Variants in RBM12 observed in about 807,000 individuals in gnomAD.
RBM12 encodes the protein RNA binding motif protein 12.
Under a neutral mutation model 37.2 loss-of-function variants are expected in RBM12, and 24 were observed. The observed-to-expected ratio is 0.65, with a 90% CI of 0.47 to 0.91. The LOEUF is 0.91. Among genes scored for constraint, RBM12 ranks in the 40% least tolerant of loss-of-function variants. The probability of loss-of-function intolerance (pLI) is 0.00; values close to 1 mark genes in which losing one functional copy is unlikely to be tolerated. For missense variants in RBM12, 1,061 were observed against 1,183.2 expected (o/e 0.90, Z 1.52); for synonymous variants, 420 against 425.2 (o/e 0.99, Z 0.15).
chr20:35,652,473 C>T lies in RBM12; in HGVS notation c.*51G>A. 1.3e-6 allele frequency: 2 copies of T among 1,536,582 alleles called. No homozygotes were observed. Among genetic ancestry groups the T allele is most frequent in the South Asian group, 2.5e-5 (2 of 80,204 alleles). On this transcript the variant is annotated 3_prime_UTR_variant, in exon 3 of 3. Coordinates refer to ENST00000374114, the MANE Select transcript of RBM12 (RefSeq NM_006047.6). ...AAATACTAGGAAAACAATCTGGATG[C>T]ATTAATCACAGCAATATGAAGATCT... is the stretch of plus-strand genomic sequence containing the variant.
Position 35,651,397 on chromosome 20 carries a change from G to A in RBM12, c.*1127C>T, listed in dbSNP as rs550057938. On this transcript the variant is annotated 3_prime_UTR_variant, in exon 3 of 3. Coordinates refer to ENST00000374114, the MANE Select transcript of RBM12 (RefSeq NM_006047.6). Reference sequence around the variant, plus strand: ...CTGTATGAAGACTTTTAGTAAACAGGCTCCTGATCGAACAACTATGCCAAA... The same window carrying A: ...CTGTATGAAGACTTTTAGTAAACAGACTCCTGATCGAACAACTATGCCAAA... 8.5e-5 allele frequency: 13 copies of A among 152,280 alleles called. No individual in the cohort carries two copies. In the South Asian group the frequency reaches 2.1e-3, roughly 24 times the overall value. 9.4% of individuals were successfully genotyped at this position (152,280 alleles called of 1,614,324 possible). A position where few individuals can be genotyped will look rare whatever the true frequency, so the allele number is the denominator to read the frequency against.
Position 35,655,062 on chromosome 20 carries a change from A to T in RBM12, c.261T>A (p.Arg87=). Residue 87 remains arginine, a synonymous_variant, in exon 3 of 3, where the codon CGT becomes CGA. Transcript: ENST00000374114. ...CTAAGTTGGCAGTTTCAAAACGCCT[A>T]CGACTCAGTTCAATCATATTCTGCA... ...TEMQNMIELS[R]RRFETANLDI... The T allele has an allele frequency of 1.2e-6, 2 of 1,614,162 alleles. No individual in the cohort carries two copies. The highest frequency in any genetic ancestry group is 1.3e-5 in the African/African-American group (1 of 75,022).
rs945412601 is a variant in RBM12 at position 35,649,201 on chromosome 20, C to T, written c.*3323G>A. 1.3e-5 allele frequency: 2 copies of T among 152,158 alleles called. No individual in the cohort carries two copies. 9.4% of individuals were successfully genotyped at this position (152,158 alleles called of 1,614,324 possible). ...AAGTGACCACTTCCAGAAATTCTTT[C>T]CAAAAGATTTGACTAGCAGCAATTT... On this transcript the variant is annotated 3_prime_UTR_variant, in exon 3 of 3. Transcript: ENST00000374114.
In RBM12 at chr20:35,651,496, C is replaced by T. The variant is rs2033515820; in HGVS notation, c.*1028G>A. On this transcript the variant is annotated 3_prime_UTR_variant, in exon 3 of 3. Transcript: ENST00000374114. ...ACGGATCTTTTATTCTATACTACTA[C>T]TGCTAACAAAGATAATTTCAACTTC... is the stretch of plus-strand genomic sequence containing the variant. The T allele has an allele frequency of 6.6e-6, 1 of 152,218 alleles. No individual in the cohort carries two copies. The highest frequency in any genetic ancestry group is 1.5e-5 in the Non-Finnish European group (1 of 68,042). 9.4% of individuals were successfully genotyped at this position (152,218 alleles called of 1,614,324 possible). A position where few individuals can be genotyped will look rare whatever the true frequency, so the allele number is the denominator to read the frequency against.
Position 35,654,172 on chromosome 20 carries a change from G to C in RBM12, c.1151C>G (p.Ala384Gly), listed in dbSNP as rs761844828. Residue 384 changes from alanine to glycine, a missense_variant, in exon 3 of 3, where the codon GCT (alanine) becomes GGT (glycine). Ala to Gly is a moderately conservative substitution (Grantham distance 60). This residue lies in a region of RBM12 where 540 missense variants were observed against 632.7 expected (regional missense o/e 0.85). Coordinates refer to ENST00000374114, the MANE Select transcript of RBM12 (RefSeq NM_006047.6). ...CTTAAAAGTGATATGGCCTCCAGCAGCTACCCACTGTCTTTCTGTGGCAGG... is the reference window on the plus strand; with the variant it reads ...CTTAAAAGTGATATGGCCTCCAGCACCTACCCACTGTCTTTCTGTGGCAGG... ...VSPATERQWVAAGGHITFKQN... is the reference protein window; with the variant it reads ...VSPATERQWVGAGGHITFKQN... 9.3e-6 allele frequency: 15 copies of C among 1,614,212 alleles called. No individual in the cohort carries two copies. The highest frequency in any genetic ancestry group is 1.3e-5 in the Non-Finnish European group (15 of 1,180,036).
At position 35,654,747 on chromosome 20, in the gene RBM12, T is replaced by C; in HGVS notation, c.576A>G (p.Pro192=). ...MNTVPPPPIP[P]IPAMPSLPPM... ...GTGGCAGAGATGGCATCGCTGGAAT[T>C]GGAGGAATTGGTGGCGGCGGGACTG... Residue 192 remains proline, a synonymous_variant, in exon 3 of 3, where the codon CCA becomes CCG. Coordinates refer to ENST00000374114, the MANE Select transcript of RBM12 (RefSeq NM_006047.6). The C allele has an allele frequency of 6.2e-7, 1 of 1,613,578 alleles. No homozygotes were observed. The highest frequency in any genetic ancestry group is 8.5e-7 in the Non-Finnish European group (1 of 1,179,588).
At chr20:35,657,852 G>C (rs2033992753) in intron 2 of RBM12, among the ~76,000 whole-genome samples, 3 of 152,098 alleles carry the variant, frequency 2.0e-5, no homozygotes, top group African/African-American at 7.2e-5. Flanking sequence ...CCCGAGGTCA[G>C]GAGTTCAAGA....
chr20:35,664,647 T>C (rs2034439627), intron 1 of RBM12, 113 bp downstream of exon 1: 2 of 152,444 alleles, frequency 1.3e-5, no homozygotes, highest in Non-Finnish European at 2.9e-5. Context: ...ACCCTTTGTG[T>C]GGGGCGCTAG....
At chr20:35,656,445 G>A (rs1260710683) in intron 2 of RBM12, among the ~76,000 whole-genome samples, 7 of 152,172 alleles carry the variant, frequency 4.6e-5, no homozygotes, top group Non-Finnish European at 5.9e-5. Flanking sequence ...GACACAAACC[G>A]AATTATTGGG....
intron 1 of RBM12, among the ~76,000 whole-genome samples, chr20:35,660,522 C>T (rs572136662): frequency 6.6e-6 from 1 of 152,152 alleles, no homozygotes; most frequent in South Asian, 2.1e-4. Flanking sequence ...CCTGGCCTAG[C>T]CTAACTAAGT....
chr20:35,655,759 T>C (rs967790454), intron 2 of RBM12, among the ~76,000 whole-genome samples: 2 of 152,176 alleles, frequency 1.3e-5, no homozygotes, highest in African/African-American at 4.8e-5. Context: ...TAAAACTGGC[T>C]TAGCATCTTC....
chr20:35,654,892 T>C lies in RBM12; in HGVS notation c.431A>G (p.Asn144Ser), dbSNP rs1384670955. ...TGTGGAAAATGTCTGTATGTTTTTG[T>C]TGCTTTCATGAACAGAAGTGGTGGC... ...VTATTSVHES[N>S]KNIQTFSTAS... is the part of the protein sequence containing the mutation. Residue 144 changes from asparagine (N) to serine (S), a missense_variant, in exon 3 of 3, where the codon AAC (asparagine) becomes AGC (serine). Coordinates refer to ENST00000374114, the MANE Select transcript of RBM12 (RefSeq NM_006047.6). 6.2e-7 allele frequency: 1 copy of C among 1,614,020 alleles called. No individual in the cohort carries two copies. Among genetic ancestry groups the C allele is most frequent in the African/African-American group, 1.3e-5 (1 of 74,904 alleles).
chr20:35,654,507 C>T lies in RBM12; in HGVS notation c.816G>A (p.Leu272=). The stretch of plus-strand genomic sequence containing the variant: ...TCAACGGACCAAGAAACATAGGATT[C>T]AGATTATTGTTCAAATTCATAGGTG... The part of the protein sequence containing the change: ...SGAPMNLNNN[L]NPMFLGPLNP... The change falls in exon 3 of 3, where the codon CTG becomes CTA. Residue 272 remains leucine, a synonymous_variant. Transcript: ENST00000374114. 3.1e-6 allele frequency: 5 copies of T among 1,614,170 alleles called. No homozygotes were observed. In the South Asian group the frequency reaches 5.5e-5, roughly 18 times the overall value.
intron 1 of RBM12, among the ~76,000 whole-genome samples, chr20:35,663,691 C>T (rs2034363709): frequency 6.6e-6 from 1 of 152,074 alleles, no homozygotes; most frequent in Admixed American, 6.6e-5. Flanking sequence ...ACTGAGTAAC[C>T]CTCACAAGAG....
intron 2 of RBM12, among the ~76,000 whole-genome samples, chr20:35,657,586 T>A (rs764035132): frequency 1.3e-5 from 2 of 152,180 alleles, no homozygotes; most frequent in Non-Finnish European, 2.9e-5. Flanking sequence ...TTCAAGCCAT[T>A]TTCTGTTAAG....
intron 1 of RBM12, among the ~76,000 whole-genome samples, 199 bp from the exon 2 acceptor site, chr20:35,659,213 T>G (rs1415987040): frequency 6.6e-6 from 1 of 151,760 alleles, no homozygotes; most frequent in Non-Finnish European, 1.5e-5. Context: ...CTTTCAAATT[T>G]GAGTATCTCA....
chr20:35,651,416 T>C lies in RBM12; in HGVS notation c.*1108A>G, dbSNP rs1372935817. 1.3e-5 allele frequency: 2 copies of C among 152,218 alleles called. No homozygotes were observed. The highest frequency in any genetic ancestry group is 6.5e-5 in the Admixed American group (1 of 15,284). The allele number at this position is 152,218 out of a possible 1,614,324, so 9.4% of individuals were successfully genotyped here. On this transcript the variant is annotated 3_prime_UTR_variant, in exon 3 of 3. Coordinates refer to ENST00000374114, the MANE Select transcript of RBM12 (RefSeq NM_006047.6). ...AAACAGGCTCCTGATCGAACAACTA[T>C]GCCAAAAAGCCTCCAAATAACAGGA...
Position 35,653,225 on chromosome 20 carries a change from C to A in RBM12, c.2098G>T (p.Ala700Ser), listed in dbSNP as rs774321563. ...AGMPSAGIPS[A>S]GGEEHAFLTV... ...AGGAAGGCATGCTCTTCACCTCCTG[C>A]ACTAGGTATTCCTGCACTGGGCATT... The change falls in exon 3 of 3, where the codon GCA becomes TCA. Residue 700 changes from alanine to serine, a missense_variant. Ala to Ser is a moderately conservative substitution (Grantham distance 99). Around this residue, in one of 3 missense-constraint regions of RBM12, gnomAD observed 517 missense variants for 534.0 expected, o/e 0.97. Transcript: ENST00000374114. 6.2e-7 allele frequency: 1 copy of A among 1,613,572 alleles called. No homozygotes were observed.
chr20:35,663,957 G>A (rs1307277900), intron 1 of RBM12, among the ~76,000 whole-genome samples: 1 of 152,132 alleles, frequency 6.6e-6, no homozygotes, highest in African/African-American at 2.4e-5. Flanking sequence ...AATGCCACAG[G>A]ATCCTCTCCC....
Sources: allele counts gnomAD v4.1 joint callset (sites outside exome capture counted in the v4.1 genomes callset), GRCh38; gene constraint gnomAD v4.1.1; regional missense constraint gnomAD v4.1.1; transcripts MANE v1.5; gene names NCBI Gene and HGNC (gene_info 2026-07-23, HGNC 2026-07-21).